The following PLCH1 variants were observed in gnomAD, a reference collection of about 807,000 sequenced individuals.
The protein encoded by PLCH1 is 1-phosphatidylinositol 4,5-bisphosphate phosphodiesterase eta-1.
In PLCH1, 60 loss-of-function variants were observed where a neutral mutation model predicts 126.7. That is an observed-to-expected ratio of 0.47 (90% confidence interval 0.38 to 0.59). The LOEUF is 0.59. PLCH1 is among the 20% of genes least tolerant of loss of function. The pLI is 0.00. For synonymous variants in PLCH1, 719 were observed against 734.9 expected (o/e 0.98, Z 0.35); for missense variants, 1,723 against 2,040.0 (o/e 0.84, Z 2.99).
chr3:155,621,247 C>T (rs1362776736), intron 2 of PLCH1, among the ~76,000 whole-genome samples: 1 of 152,100 alleles, frequency 6.6e-6, no homozygotes, highest in Non-Finnish European at 1.5e-5. Flanking sequence ...ACTCAGAGAC[C>T]CCATCCGAAG....
chr3:155,682,519 T>C (rs141762574), intron 2 of PLCH1, among the ~76,000 whole-genome samples: 1 of 152,352 alleles, frequency 6.6e-6, no homozygotes, highest in East Asian at 1.9e-4. Flanking sequence ...TGTGATGCTT[T>C]ATAAACTCTA....
At chr3:155,658,209 G>T (rs944677194) in intron 2 of PLCH1, 2 of 204,158 alleles carry the variant, frequency 9.8e-6, no homozygotes, top group Non-Finnish European at 1.1e-5. Flanking sequence ...ATCACTCTTG[G>T]GACCGTTCTG....
intron 21 of PLCH1, chr3:155,486,080 G>T: frequency 1.0e-6 from 1 of 975,362 alleles, no homozygotes; most frequent in Non-Finnish European, 1.5e-6. Flanking sequence ...ATATGAAAAA[G>T]CATGCTGCCA....
chr3:155,735,549 G>A lies in PLCH1; in HGVS notation c.-41+9291C>T, dbSNP rs76520275. On this transcript the variant is annotated intron_variant, in intron 1 of 22. Transcript: ENST00000460012. Reference sequence around the variant, plus strand: ...CTTGGGAGGCTGAGGCAGGAGAATCGCTTGAACCCAGAAGGCAGAGGTTGC... The same window carrying A: ...CTTGGGAGGCTGAGGCAGGAGAATCACTTGAACCCAGAAGGCAGAGGTTGC... Among the ~76,000 whole-genome samples, 39 of 150,812 alleles carry A rather than the reference G, an allele frequency of 2.6e-4. 1 individual carries two copies. The highest frequency in any genetic ancestry group is 2.2e-3 in the East Asian group (11 of 5,112).
At chr3:155,658,458 TGA>T in intron 2 of PLCH1, 1 of 159,332 alleles carries the variant, frequency 6.3e-6, no homozygotes, top group Non-Finnish European at 1.4e-5. Context: ...CACGGGAAGG[TGA>T]GATCTCCAAC....
chr3:155,535,086 A>G (rs1723180064), intron 10 of PLCH1, among the ~76,000 whole-genome samples: 1 of 152,232 alleles, frequency 6.6e-6, no homozygotes, highest in Admixed American at 6.5e-5. Context: ...AGCAAAATAT[A>G]AAGGTAGAAG....
intron 14 of PLCH1, among the ~76,000 whole-genome samples, chr3:155,499,234 A>G (rs1717533261): frequency 1.3e-5 from 2 of 151,962 alleles, no homozygotes; most frequent in Admixed American, 1.3e-4. Flanking sequence ...TTTCTTTTCG[A>G]TAGTTAGATG....
At chr3:155,530,919 G>A (rs1722588566) in intron 10 of PLCH1, among the ~76,000 whole-genome samples, 1 of 152,220 alleles carries the variant, frequency 6.6e-6, no homozygotes, top group Admixed American at 6.5e-5. Flanking sequence ...ATGTTGTGTA[G>A]CAGGCATGAA....
intron 2 of PLCH1, among the ~76,000 whole-genome samples, chr3:155,695,677 G>C (rs1745737229): frequency 6.6e-6 from 1 of 152,196 alleles, no homozygotes; most frequent in African/African-American, 2.4e-5. Flanking sequence ...ACAATTAATT[G>C]TTTTATTACA....
intron 2 of PLCH1, among the ~76,000 whole-genome samples, chr3:155,653,951 C>CA (rs895525509): frequency 4.6e-5 from 7 of 151,258 alleles, no homozygotes; most frequent in South Asian, 4.2e-4. Context: ...AGGAAAAACT[C>CA]AAAAAAAATT....
chr3:155,560,884 C>T (rs1480778268), intron 8 of PLCH1, among the ~76,000 whole-genome samples: 2 of 152,144 alleles, frequency 1.3e-5, no homozygotes, highest in Non-Finnish European at 2.9e-5. Flanking sequence ...TTCTCCTCAA[C>T]CTCCTTACCC....
chr3:155,457,751 A>T (rs1014554671), intron 21 of PLCH1: 3 of 152,092 alleles, frequency 2.0e-5, no homozygotes, highest in Non-Finnish European at 4.4e-5. Flanking sequence ...TTGCTTCTTC[A>T]TATGTCTTTG....
chr3:155,629,044 C>T (rs919426419), intron 2 of PLCH1, among the ~76,000 whole-genome samples: 5 of 152,170 alleles, frequency 3.3e-5, no homozygotes, highest in Non-Finnish European at 7.3e-5. Flanking sequence ...ACCTTCTTTT[C>T]TACTTACTTA....
rs145011749 is a variant in PLCH1, at chr3:155,558,415, G to A, written c.1070-4219C>T. 3.0e-3 allele frequency among the ~76,000 whole-genome samples: 458 copies of A among 152,182 alleles called. 3 individuals are homozygous for A. The highest frequency in any genetic ancestry group is 0.01 in the African/African-American group (426 of 41,518). The stretch of plus-strand genomic sequence containing the variant: ...TATACAGCAGTACCCCTTTATCCTC[G>A]GGAGATAAATTCTAAGGCTCCCGGT... On this transcript the variant is annotated intron_variant, in intron 8 of 22. Transcript: ENST00000460012.
At chr3:155,662,049 G>C (rs564127063) in intron 2 of PLCH1, among the ~76,000 whole-genome samples, 1 of 152,292 alleles carries the variant, frequency 6.6e-6, no homozygotes, top group African/African-American at 2.4e-5. Context: ...CCATATTCTG[G>C]TTAGGGGCCC....
chr3:155,650,298 C>T (rs892168165), intron 2 of PLCH1, among the ~76,000 whole-genome samples: 1 of 152,166 alleles, frequency 6.6e-6, no homozygotes, highest in Non-Finnish European at 1.5e-5. Context: ...CGAAGAACTT[C>T]CAAATCCAAA....
intron 3 of PLCH1, among the ~76,000 whole-genome samples, chr3:155,595,011 G>C (rs992552051): frequency 6.6e-6 from 1 of 152,246 alleles, no homozygotes; most frequent in Non-Finnish European, 1.5e-5. Flanking sequence ...GGTGAAGGCA[G>C]AGCAGAGCTT....
chr3:155,590,666 C>T (rs867905293), intron 4 of PLCH1, among the ~76,000 whole-genome samples: 2 of 152,120 alleles, frequency 1.3e-5, no homozygotes, highest in African/African-American at 4.8e-5. Context: ...AGGAGAATGG[C>T]GTGAACCCAG....
chr3:155,579,971 C>T (rs1730450953), intron 6 of PLCH1, among the ~76,000 whole-genome samples: 1 of 151,980 alleles, frequency 6.6e-6, no homozygotes, highest in African/African-American at 2.4e-5. Context: ...AAAAACAGGA[C>T]AGAATTCATA....
Sources: allele counts gnomAD v4.1 joint callset (sites outside exome capture counted in the v4.1 genomes callset), GRCh38; gene constraint gnomAD v4.1.1; transcripts MANE v1.5; gene names NCBI Gene and HGNC (gene_info 2026-07-23, HGNC 2026-07-21).